WIPF1: variants seen among roughly 807,000 people sequenced by gnomAD.
WIPF1 encodes WAS/WASL interacting protein family member 1, also known as WAS/WASL-interacting protein family member 1.
A neutral mutation model predicts 35.4 loss-of-function variants in WIPF1; 13 were observed. The ratio of observed to expected loss-of-function variants is 0.37; its 90% CI spans 0.24 to 0.58. WIPF1 has a LOEUF of 0.58. Ranked by LOEUF, WIPF1 falls within the 20% of genes least tolerant of loss-of-function variation. The pLI is 0.74. For synonymous variants in WIPF1, 267 were observed against 266.3 expected, an observed-to-expected ratio of 1.00 and a Z score of -0.02; for missense variants, 591 against 667.0, an observed-to-expected ratio of 0.89 and a Z score of 1.25.
rs754868175 is a variant in WIPF1, at chr2:174,571,835, T to A, written c.970A>T (p.Ser324Cys). 1.9e-6 allele frequency: 3 copies of A among 1,614,092 alleles called. 1 individual carries two copies. The highest frequency in any genetic ancestry group is 3.3e-4 in the Middle Eastern group (2 of 6,056). The change falls in exon 5 of 8, where the codon AGT becomes TGT. Residue 324 changes from serine to cysteine, a missense_variant. Coordinates refer to ENST00000679041, the MANE Select transcript of WIPF1 (RefSeq NM_001375834.1). This position sits in a 1 kb window ranked among gnomAD's most constrained non-coding sequence, Gnocchi z 4.6. ...GGGGTTTCGTCATTGCCGCTGGAAC[T>A]TGGAGGCAGAGGAGGCGGCCCGGGC... Reference protein sequence around the residue: ...SRPGPPPLPPSSSGNDETPRL... With the variant: ...SRPGPPPLPPCSSGNDETPRL...
rs374203091 is a variant in WIPF1, at chr2:174,662,223, G to A, written c.-39+20551C>T. Reference sequence around the variant, plus strand: ...TACCTAATGTAAATGCTATGAAAACGGTTGTTATACTGTACTGTTTAGGGA... The same window carrying A: ...TACCTAATGTAAATGCTATGAAAACAGTTGTTATACTGTACTGTTTAGGGA... On this transcript the variant is annotated intron_variant, in intron 1 of 8. Coordinates refer to the WIPF1 transcript ENST00000272746. 2.4e-4 allele frequency among the ~76,000 whole-genome samples: 37 copies of A among 152,224 alleles called. No homozygotes were observed. The Middle Eastern group carries it at 0.01, about 42-fold the overall frequency.
At chr2:174,672,604 A>G (rs1182593098) in intron 1 of WIPF1, among the ~76,000 whole-genome samples, 1 of 152,274 alleles carries the variant, frequency 6.6e-6, no homozygotes, top group African/African-American at 2.4e-5. Flanking sequence ...GCATGGTAAA[A>G]TATCAGGCTT....
chr2:174,637,176 C>T (rs1687201126), intron 1 of WIPF1, among the ~76,000 whole-genome samples: 2 of 152,142 alleles, frequency 1.3e-5, no homozygotes, highest in African/African-American at 2.4e-5. Context: ...GTTCCAGCTT[C>T]GGCCACTGGG....
At chr2:174,623,861 T>G (rs1686748207) in intron 1 of WIPF1, among the ~76,000 whole-genome samples, 1 of 152,140 alleles carries the variant, frequency 6.6e-6, no homozygotes, top group South Asian at 2.1e-4. Context: ...GAATGAAATG[T>G]GTTAAATATT....
chr2:174,655,584 T>C (rs754566815), intron 1 of WIPF1: 1 of 152,270 alleles, frequency 6.6e-6, no homozygotes, highest in African/African-American at 2.4e-5. Flanking sequence ...GAAAGGGCCA[T>C]GTTTTTCTGG....
intron 1 of WIPF1, among the ~76,000 whole-genome samples, chr2:174,626,152 T>C (rs937701802): frequency 2.0e-5 from 3 of 152,228 alleles, no homozygotes; most frequent in African/African-American, 7.2e-5. Context: ...AAGGTATTGC[T>C]TTTGCTCATT....
At chr2:174,631,344 A>G (rs1687014402) in intron 1 of WIPF1, among the ~76,000 whole-genome samples, 1 of 152,180 alleles carries the variant, frequency 6.6e-6, no homozygotes, top group Non-Finnish European at 1.5e-5. Flanking sequence ...ACATTACGCT[A>G]AGTGAAATAA....
At chr2:174,594,223 A>C (rs762545804) in intron 1 of WIPF1, among the ~76,000 whole-genome samples, 7 of 152,216 alleles carry the variant, frequency 4.6e-5, no homozygotes, top group Non-Finnish European at 1.0e-4. Context: ...GTTCTTTTAG[A>C]TAAGGAGGTG....
chr2:174,647,832 T>G (rs1340329502), intron 1 of WIPF1, among the ~76,000 whole-genome samples: 1 of 152,206 alleles, frequency 6.6e-6, no homozygotes, highest in Non-Finnish European at 1.5e-5. Context: ...AGAAACTGTT[T>G]ATGTAGCATA....
chr2:174,572,466 A>AC lies in WIPF1; in HGVS notation c.359-21dup. ...CAGAATCTGAAGAACAGGAAAACAA[A>AC]CATCAGTTAGGAAATCAGGAACCCT... On this transcript the variant is annotated intron_variant, in intron 4 of 7. Transcript: ENST00000679041. The AC allele has an allele frequency of 6.2e-7, 1 of 1,613,996 alleles. No homozygotes were observed. The highest frequency in any genetic ancestry group is 8.5e-7 in the Non-Finnish European group (1 of 1,179,966).
chr2:174,609,867 A>G (rs1012080320), intron 1 of WIPF1, among the ~76,000 whole-genome samples: 1 of 152,340 alleles, frequency 6.6e-6, no homozygotes, highest in South Asian at 2.1e-4. Context: ...AGACCACCAC[A>G]GCTACTCACC....
At chr2:174,607,790 G>A (rs911427746) in intron 1 of WIPF1, among the ~76,000 whole-genome samples, 3 of 152,202 alleles carry the variant, frequency 2.0e-5, no homozygotes, top group Non-Finnish European at 2.9e-5. Context: ...GCAGCTCCAC[G>A]AGGGCAGAGT....
intron 1 of WIPF1, among the ~76,000 whole-genome samples, chr2:174,668,132 A>G (rs1354347643): frequency 5.7e-4 from 86 of 152,206 alleles, no homozygotes; most frequent in Admixed American, 5.6e-3. Context: ...CCTGCCCAGT[A>G]AAAAACAGAT....
chr2:174,606,981 T>C (rs889958889), intron 1 of WIPF1, among the ~76,000 whole-genome samples: 11 of 152,298 alleles, frequency 7.2e-5, no homozygotes, highest in South Asian at 2.1e-4. Flanking sequence ...GTCATTACCA[T>C]GGCTGAAGGC....
upstream of WIPF1, among the ~76,000 whole-genome samples, chr2:174,599,878 G>A (rs1685945262): frequency 6.6e-6 from 1 of 151,566 alleles, no homozygotes; most frequent in African/African-American, 2.4e-5. Context: ...CCATCCCTTA[G>A]GGGAGTGGTC....
intron 1 of WIPF1, among the ~76,000 whole-genome samples, chr2:174,603,445 G>T (rs1035485577): frequency 1.3e-5 from 2 of 152,242 alleles, no homozygotes; most frequent in African/African-American, 4.8e-5. Context: ...GGCTGGCCTG[G>T]ACTGGAAAAT....
intron 1 of WIPF1, among the ~76,000 whole-genome samples, chr2:174,647,641 C>A (rs1687439032): frequency 1.4e-5 from 1 of 70,198 alleles, no homozygotes; most frequent in Admixed American, 1.9e-4. Flanking sequence ...CCAAAGTGGA[C>A]CCTGTCTTAA....
intron 7 of WIPF1, among the ~76,000 whole-genome samples, chr2:174,564,919 T>C (rs1302008834): frequency 4.0e-5 from 6 of 150,408 alleles, no homozygotes; most frequent in Non-Finnish European, 5.9e-5. Flanking sequence ...TTTTTTGAGA[T>C]GGAGTTTCGC....
In WIPF1 at chr2:174,559,932, G is replaced by C. The variant is rs1574776031; in HGVS notation, c.*2615C>G. ...GATTTCTTTTAAATCACAAAGTAAGGCACCATTGGATTAAACATTTCTCCT... is the reference window on the plus strand; with the variant it reads ...GATTTCTTTTAAATCACAAAGTAAGCCACCATTGGATTAAACATTTCTCCT... On this transcript the variant is annotated 3_prime_UTR_variant, in exon 8 of 8. Transcript: ENST00000679041. 1 of 152,542 alleles carries C rather than the reference G, an allele frequency of 6.6e-6. No individual in the cohort carries two copies. The highest frequency in any genetic ancestry group is 1.9e-4 in the East Asian group (1 of 5,186). The allele number at this position is 152,542 out of a possible 1,614,324, so 9.4% of individuals were successfully genotyped here. A position where few individuals can be genotyped will look rare whatever the true frequency, so the allele number is the denominator to read the frequency against.
Sources: gnomAD v4.1 joint callset for allele counts (sites outside exome capture counted in the v4.1 genomes callset) on GRCh38, gnomAD v4.1.1 for gene constraint, Gnocchi (gnomAD v3.1) non-coding constraint, MANE v1.5 for transcripts, NCBI Gene and HGNC (gene_info 2026-07-23, HGNC 2026-07-21) for gene names.